PCDHGA1: variants seen among roughly 807,000 people sequenced by gnomAD.
PCDHGA1 encodes protocadherin gamma-A1.
A neutral mutation model predicts 58.0 loss-of-function variants in PCDHGA1; 32 were observed. The observed-to-expected ratio is 0.55, with a 90% CI of 0.42 to 0.74. The LOEUF is 0.74. Ranked by LOEUF, PCDHGA1 falls within the 30% of genes least tolerant of loss-of-function variation. The pLI, the probability that PCDHGA1 is intolerant of heterozygous loss-of-function variation, is 0.00. For synonymous variants in PCDHGA1, 498 were observed against 501.1 expected (o/e 0.99, Z 0.08); for missense variants, 1,205 against 1,182.3 (o/e 1.02, Z -0.28).
At chr5:141,350,938 G>T (rs1485713028) in intron 1 of PCDHGA1, 1 of 1,614,082 alleles carries the variant, frequency 6.2e-7, no homozygotes, top group South Asian at 1.1e-5. Context: ...CCCATATCTG[G>T]ATCCGAGTTA....
intron 1 of PCDHGA1, chr5:141,344,707 A>T: frequency 1.2e-6 from 2 of 1,613,974 alleles, no homozygotes; most frequent in Non-Finnish European, 1.7e-6. Context: ...CACTCTGGCA[A>T]CTTGCACATC....
At chr5:141,430,653 A>G (rs2097300223) in intron 1 of PCDHGA1, 4 of 1,073,410 alleles carry the variant, frequency 3.7e-6, no homozygotes, top group Middle Eastern at 2.4e-4. Context: ...TGTGGAAACA[A>G]CGGAGGAGCT....
rs369106233 is a variant in PCDHGA1 at position 141,370,518 on chromosome 5, G to A, written c.2421+37413G>A. 13 of 1,613,886 alleles carry A rather than the reference G, an allele frequency of 8.1e-6. No homozygotes were observed. The African/African-American group carries it at 1.7e-4, about 22-fold the overall frequency. Reference sequence around the variant, plus strand: ...CCGCTACGCTATTCCCGAGGAGCTGGACAGGGGCTCGCTGGTAGGGAACCT... The same window carrying A: ...CCGCTACGCTATTCCCGAGGAGCTGAACAGGGGCTCGCTGGTAGGGAACCT... On this transcript the variant is annotated intron_variant, in intron 1 of 3. Transcript: ENST00000517417.
intron 1 of PCDHGA1, chr5:141,417,639 C>G: frequency 1.3e-6 from 1 of 745,670 alleles, no homozygotes; most frequent in Non-Finnish European, 2.1e-6. Flanking sequence ...CGCCGGGGAT[C>G]CCTCAGCCTC....
chr5:141,477,705 G>A lies in PCDHGA1; in HGVS notation c.2422-17102G>A, dbSNP rs1285254654. On this transcript the variant is annotated intron_variant, in intron 1 of 3. Coordinates refer to ENST00000517417, the MANE Select transcript of PCDHGA1 (RefSeq NM_018912.3). The surrounding 1 kb of genome is among the most constrained non-coding windows in gnomAD (Gnocchi z 4.9). ...TTAGTGCCCCTAGACTATGAGGATCGGCGGGAATTTGAATTAACAGCTCAT... is the reference window on the plus strand; with the variant it reads ...TTAGTGCCCCTAGACTATGAGGATCAGCGGGAATTTGAATTAACAGCTCAT... The A allele has an allele frequency of 6.2e-7, 1 of 1,614,008 alleles. No homozygotes were observed. Among genetic ancestry groups the A allele is most frequent in the Non-Finnish European group, 8.5e-7 (1 of 1,180,048 alleles).
At chr5:141,460,872 T>C (rs2098999714) in intron 1 of PCDHGA1, among the ~76,000 whole-genome samples, 1 of 151,064 alleles carries the variant, frequency 6.6e-6, no homozygotes, top group South Asian at 2.1e-4. Flanking sequence ...GCAAAGGACA[T>C]TATTTCATGC....
chr5:141,349,385 A>G (rs796243160), intron 1 of PCDHGA1, among the ~76,000 whole-genome samples: 1 of 152,262 alleles, frequency 6.6e-6, no homozygotes, highest in African/African-American at 2.4e-5. Context: ...ATATACATTC[A>G]TATAAAAAAG....
Position 141,423,504 on chromosome 5 carries a change from T to G in PCDHGA1, c.2422-71303T>G, listed in dbSNP as rs1448233226. ...TGCAAACCTATTCCCACGAGGTCTCTCTCATTGCGGACTCGCAGAAGAGTC... is the reference window on the plus strand; with the variant it reads ...TGCAAACCTATTCCCACGAGGTCTCGCTCATTGCGGACTCGCAGAAGAGTC... On this transcript the variant is annotated intron_variant, in intron 1 of 3. Transcript: ENST00000517417. The G allele has an allele frequency of 3.1e-6, 5 of 1,613,770 alleles. No individual in the cohort carries two copies. The Admixed American group carries it at 8.3e-5, about 27-fold the overall frequency.
chr5:141,451,739 G>A (rs1343538104), intron 1 of PCDHGA1, among the ~76,000 whole-genome samples: 1 of 152,082 alleles, frequency 6.6e-6, no homozygotes, highest in East Asian at 1.9e-4. Flanking sequence ...AAAATTAGCT[G>A]GTCTGGTGGT....
At chr5:141,497,223 T>C (rs921763195) in intron 2 of PCDHGA1, among the ~76,000 whole-genome samples, 1 of 151,762 alleles carries the variant, frequency 6.6e-6, no homozygotes, top group Admixed American at 6.6e-5. Context: ...GGGGGGAAGA[T>C]CAGAGAAGGC....
intron 1 of PCDHGA1, chr5:141,398,025 A>T (rs1481347884): frequency 1.4e-6 from 2 of 1,445,136 alleles, no homozygotes; most frequent in Non-Finnish European, 1.8e-6. Flanking sequence ...CTAAACTGGA[A>T]CTGGAACTAA....
At chr5:141,353,603 C>G (rs953470140) in intron 1 of PCDHGA1, among the ~76,000 whole-genome samples, 1 of 152,120 alleles carries the variant, frequency 6.6e-6, no homozygotes, top group East Asian at 1.9e-4. Context: ...TTTTCTTAAC[C>G]ATTCCTAAAT....
chr5:141,374,244 T>C, intron 1 of PCDHGA1: 3 of 1,613,992 alleles, frequency 1.9e-6, no homozygotes, highest in Non-Finnish European at 2.5e-6. Context: ...GATCTGGGAC[T>C]GGAGCCCCAG....
Position 141,398,085 on chromosome 5 carries a change from T to C in PCDHGA1, c.2421+64980T>C, listed in dbSNP as rs140389005. 4,220 of 1,598,288 alleles carry C rather than the reference T, an allele frequency of 2.6e-3. 81 individuals carry two copies. In the African/African-American group the frequency reaches 0.047, roughly 18 times the overall value. ...TACAATACAGAGGTTATTTGTAACCTGGCGTCTCCAGGCTGGTGAGCAAGC... is the reference window on the plus strand; with the variant it reads ...TACAATACAGAGGTTATTTGTAACCCGGCGTCTCCAGGCTGGTGAGCAAGC... On this transcript the variant is annotated intron_variant, in intron 1 of 3. Coordinates refer to ENST00000517417, the MANE Select transcript of PCDHGA1 (RefSeq NM_018912.3).
intron 1 of PCDHGA1, among the ~76,000 whole-genome samples, chr5:141,463,684 G>C (rs2099066814): frequency 6.6e-6 from 1 of 151,910 alleles, no homozygotes; most frequent in African/African-American, 2.4e-5. Flanking sequence ...ATGACCTCGT[G>C]ATCTGCTCAC....
rs1304750292 is a variant in PCDHGA1 at position 141,383,376 on chromosome 5, T to A, written c.2421+50271T>A. 7 of 1,613,980 alleles carry A rather than the reference T, an allele frequency of 4.3e-6. No homozygotes were observed. Among genetic ancestry groups the A allele is most frequent in the Non-Finnish European group, 5.1e-6 (6 of 1,179,894 alleles). ...GGTTTCCGTTAAGCGAGGCTGGGGA[T>A]CCAGATGTGGGCACGAACTCCCTCC... is the stretch of plus-strand genomic sequence containing the variant. On this transcript the variant is annotated intron_variant, in intron 1 of 3. Coordinates refer to ENST00000517417, the MANE Select transcript of PCDHGA1 (RefSeq NM_018912.3).
chr5:141,476,922 C>T lies in PCDHGA1; in HGVS notation c.2422-17885C>T. 4 of 1,614,120 alleles carry T rather than the reference C, an allele frequency of 2.5e-6. No individual in the cohort carries two copies. Among genetic ancestry groups the T allele is most frequent in the Non-Finnish European group, 2.5e-6 (3 of 1,180,050 alleles). On this transcript the variant is annotated intron_variant, in intron 1 of 3. Transcript: ENST00000517417. The surrounding 1 kb of genome is among the most constrained non-coding windows in gnomAD (Gnocchi z 7.6). ...ACGCGCGTGGTACAAGTCCTTGCAA[C>T]GGATCTGGATGAAGGCCCCAACGGT...
intron 1 of PCDHGA1, chr5:141,366,917 A>G: frequency 9.1e-7 from 1 of 1,095,104 alleles, no homozygotes; most frequent in South Asian, 1.7e-5. Context: ...ATTTGTTTTC[A>G]AATTCTGTTT....
rs185548582 is a variant in PCDHGA1, at chr5:141,333,246, C to T, written c.2421+141C>T. On this transcript the variant is annotated intron_variant, in intron 1 of 3. Transcript: ENST00000517417. ...TTTTATTACAAGTCCTGCAAAATCA[C>T]GATTGAGTCTACACGTTCATATGCA... 5 of 1,230,550 alleles carry T rather than the reference C, an allele frequency of 4.1e-6. No individual in the cohort carries two copies. In the Admixed American group the frequency reaches 1.2e-4, roughly 29 times the overall value. 76.2% of individuals were successfully genotyped at this position (1,230,550 alleles called of 1,614,324 possible). A position where few individuals can be genotyped will look rare whatever the true frequency, so the allele number is the denominator to read the frequency against.
Sources: gnomAD v4.1 joint callset for allele counts (sites outside exome capture counted in the v4.1 genomes callset) on GRCh38, gnomAD v4.1.1 for gene constraint, Gnocchi (gnomAD v3.1) non-coding constraint, MANE v1.5 for transcripts, NCBI Gene and HGNC (gene_info 2026-07-23, HGNC 2026-07-21) for gene names.